Variants in CEP63 observed in about 807,000 individuals in gnomAD.
CEP63 encodes centrosomal protein of 63 kDa.
In CEP63, 84 loss-of-function variants were observed where a neutral mutation model predicts 89.1. The observed-to-expected ratio is 0.94, with a 90% CI of 0.79 to 1.13. The LOEUF is 1.13. Ranked by LOEUF, CEP63 falls within the 50% of genes most tolerant of loss-of-function variation. The probability of loss-of-function intolerance (pLI) is 0.00; values close to 1 mark genes in which losing one functional copy is unlikely to be tolerated. For synonymous variants in CEP63, 267 were observed against 272.5 expected, an observed-to-expected ratio of 0.98 and a Z score of 0.20; for missense variants, 838 against 813.3, an observed-to-expected ratio of 1.03 and a Z score of -0.37.
chr3:134,561,879 T>TA lies in CEP63; in HGVS notation c.*347dup, dbSNP rs1957380112. 9.4e-7 allele frequency: 1 copy of TA among 1,062,394 alleles called. No individual in the cohort carries two copies. The highest frequency in any genetic ancestry group is 1.7e-5 in the African/African-American group (1 of 58,668). The allele number at this position is 1,062,394 out of a possible 1,614,324, so 65.8% of individuals were successfully genotyped here. ...AGGATTTTATGATACATGTTGAAAA[T>TA]AAAGTAACTGCAGGAACTTTCTTTA... On this transcript the variant is annotated 3_prime_UTR_variant, in exon 15 of 15. Transcript: ENST00000675561.
the CEP63 span, chr3:134,628,160 C>G: frequency 3.4e-6 from 1 of 294,828 alleles, no homozygotes; most frequent in Non-Finnish European, 6.5e-6. Flanking sequence ...TTCCTGCTTT[C>G]TTGAATCCAC....
At chr3:134,555,574 A>T (rs1955973480) in intron 12 of CEP63, among the ~76,000 whole-genome samples, 2 of 152,020 alleles carry the variant, frequency 1.3e-5, no homozygotes, top group South Asian at 4.1e-4. Flanking sequence ...AAGGGATGTG[A>T]AGGACCTCTT....
At position 134,496,440 on chromosome 3, in the gene CEP63, G is replaced by T. The variant is rs111463371; in HGVS notation, c.44+1076G>T. Among the ~76,000 whole-genome samples the T allele has an allele frequency of 4.0e-4, 59 of 148,220 alleles. 1 individual carries two copies. The highest frequency in any genetic ancestry group is 1.2e-3 in the African/African-American group (49 of 40,066). On this transcript the variant is annotated intron_variant, in intron 2 of 14. Transcript: ENST00000675561. ...AAAGGATAGAAAAAAAAGGGGGGGG[G>T]GGCTAAAGAACTAGTCCAAAGAGAA...
chr3:134,683,824 C>T, the CEP63 span, among the ~76,000 whole-genome samples: 1 of 152,190 alleles, frequency 6.6e-6, no homozygotes, highest in South Asian at 2.1e-4. Flanking sequence ...CCTCCCCCTT[C>T]CCACCTCTAC....
At chr3:134,535,537 A>T (rs1950615916) in intron 5 of CEP63, 3 of 133,120 alleles carry the variant, frequency 2.3e-5, no homozygotes, top group African/African-American at 2.8e-5. Context: ...TCCCCTATTG[A>T]TCCCATTGAA....
chr3:134,752,112 G>C, the CEP63 span, among the ~76,000 whole-genome samples: 2 of 152,184 alleles, frequency 1.3e-5, no homozygotes, highest in African/African-American at 2.4e-5. Context: ...AGAGGGCCAA[G>C]AGGGACATCT....
At chr3:134,768,726 C>G in the CEP63 span, among the ~76,000 whole-genome samples, 3 of 152,148 alleles carry the variant, frequency 2.0e-5, no homozygotes, top group Non-Finnish European at 4.4e-5. Context: ...ACATTCTATC[C>G]CCTGGTTATC....
At chr3:134,633,651 T>A in the CEP63 span, among the ~76,000 whole-genome samples, 1 of 152,132 alleles carries the variant, frequency 6.6e-6, no homozygotes, top group Non-Finnish European at 1.5e-5. Context: ...AACAGCATAT[T>A]TAATGGTGAA....
chr3:134,782,155 C>T, the CEP63 span, among the ~76,000 whole-genome samples: 1 of 152,046 alleles, frequency 6.6e-6, no homozygotes, highest in African/African-American at 2.4e-5. Context: ...ATGTTTTGTC[C>T]TTTAATCAGT....
At chr3:134,595,302 G>A in the CEP63 span, among the ~76,000 whole-genome samples, 1 of 152,180 alleles carries the variant, frequency 6.6e-6, no homozygotes, top group African/African-American at 2.4e-5. Context: ...AGAAGTATGT[G>A]TTTTCTTCCC....
exon 12 of CEP63, chr3:134,574,966 C>T (rs1958163011): frequency 2.3e-6 from 1 of 426,654 alleles, no homozygotes; most frequent in Admixed American, 4.3e-5. Flanking sequence ...TCTTTATATA[C>T]AATCTGTACT....
chr3:134,635,493 T>TTAAA, the CEP63 span, among the ~76,000 whole-genome samples: 497 of 79,328 alleles, frequency 6.3e-3, 15 homozygotes, highest in African/African-American at 0.023. Context: ...CGAGACTCTG[T>TTAAA]AAAAAAAAAA....
chr3:134,550,605 A>C (rs896981467), intron 11 of CEP63, among the ~76,000 whole-genome samples: 4 of 152,194 alleles, frequency 2.6e-5, no homozygotes, highest in Non-Finnish European at 5.9e-5. Context: ...CAGGCACAGG[A>C]AAATACAGAG....
the CEP63 span, among the ~76,000 whole-genome samples, chr3:134,669,211 G>C: frequency 2.0e-5 from 3 of 151,980 alleles, no homozygotes; most frequent in Non-Finnish European, 4.4e-5. Context: ...AATGTTTTTT[G>C]TAGAGAGAGG....
chr3:134,726,908 A>G, the CEP63 span, among the ~76,000 whole-genome samples: 1 of 152,062 alleles, frequency 6.6e-6, no homozygotes, highest in Non-Finnish European at 1.5e-5. Flanking sequence ...GCCTGGCTGC[A>G]GTTATGTCTT....
At chr3:134,711,833 G>A in the CEP63 span, among the ~76,000 whole-genome samples, 3 of 151,134 alleles carry the variant, frequency 2.0e-5, no homozygotes, top group Admixed American at 2.0e-4. Flanking sequence ...TGCAATCTTG[G>A]CTCACTGTAA....
At chr3:134,630,605 A>G in the CEP63 span, among the ~76,000 whole-genome samples, 1 of 152,194 alleles carries the variant, frequency 6.6e-6, no homozygotes, top group East Asian at 1.9e-4. Flanking sequence ...GCATGCATAG[A>G]TCTCATCCTA....
the CEP63 span, among the ~76,000 whole-genome samples, chr3:134,695,113 C>T: frequency 6.6e-6 from 1 of 152,168 alleles, no homozygotes; most frequent in Non-Finnish European, 1.5e-5. Flanking sequence ...CCGGCCGGGA[C>T]CTGCCTGAGC....
chr3:134,735,014 A>AT, the CEP63 span, among the ~76,000 whole-genome samples: 4 of 152,026 alleles, frequency 2.6e-5, no homozygotes, highest in African/African-American at 9.7e-5. Context: ...CAACTTTAAC[A>AT]TTTTTTACAC....
Sources: allele counts gnomAD v4.1 joint callset (sites outside exome capture counted in the v4.1 genomes callset), GRCh38; gene constraint gnomAD v4.1.1; transcripts MANE v1.5; gene names NCBI Gene and HGNC (gene_info 2026-07-23, HGNC 2026-07-21).